The following UBE2Q2 variants were observed in gnomAD, a reference collection of about 807,000 sequenced individuals.
UBE2Q2 encodes ubiquitin-conjugating enzyme E2 Q2.
A neutral mutation model predicts 59.9 loss-of-function variants in UBE2Q2; 54 were observed. The ratio of observed to expected loss-of-function variants is 0.90; its 90% CI spans 0.72 to 1.13. The LOEUF is 1.13. Among genes scored for constraint, UBE2Q2 ranks in the 50% most tolerant of loss-of-function variants. The pLI is 0.00. For missense variants in UBE2Q2, 433 were observed against 441.9 expected, an observed-to-expected ratio of 0.98 and a Z score of 0.18; for synonymous variants, 165 against 155.2, an observed-to-expected ratio of 1.06 and a Z score of -0.47.
At chr15:75,846,089 G>A (rs574434058) in intron 1 of UBE2Q2, among the ~76,000 whole-genome samples, 1 of 152,322 alleles carries the variant, frequency 6.6e-6, no homozygotes, top group East Asian at 1.9e-4. Context: ...AAGTTGAACA[G>A]TGTAATGTAG....
chr15:75,864,144 T>C (rs1897334126), intron 3 of UBE2Q2, among the ~76,000 whole-genome samples: 1 of 152,228 alleles, frequency 6.6e-6, no homozygotes, highest in South Asian at 2.1e-4. Flanking sequence ...ACTTTATTTT[T>C]GGATTTTTAC....
chr15:75,843,564 C>T lies in UBE2Q2; in HGVS notation c.-103C>T, dbSNP rs1029624379. On this transcript the variant is annotated 5_prime_UTR_variant, in exon 1 of 13. Transcript: ENST00000267938. ...GGAGCCGCGAGAGCGCGGCCCAGGC[C>T]GGCCCCGCGGGGCGGTCGCGGCCGT... is the stretch of plus-strand genomic sequence containing the variant. 1 of 949,252 alleles carries T rather than the reference C, an allele frequency of 1.1e-6. No individual in the cohort carries two copies. Among genetic ancestry groups the T allele is most frequent in the East Asian group, 4.1e-5 (1 of 24,442 alleles). 58.8% of individuals were successfully genotyped at this position (949,252 alleles called of 1,614,324 possible).
intron 11 of UBE2Q2, among the ~76,000 whole-genome samples, chr15:75,892,512 C>T (rs886083595): frequency 4.0e-5 from 6 of 151,826 alleles, no homozygotes; most frequent in Non-Finnish European, 7.4e-5. Context: ...GCAAGACCAC[C>T]AGGAATGATG....
chr15:75,867,652 G>A (rs953373740), intron 3 of UBE2Q2, among the ~76,000 whole-genome samples: 5 of 152,272 alleles, frequency 3.3e-5, no homozygotes, highest in Admixed American at 2.0e-4. Context: ...GGTGATGGGG[G>A]CTCAGTTTTC....
At chr15:75,853,433 G>T (rs1896736935) in intron 1 of UBE2Q2, among the ~76,000 whole-genome samples, 1 of 147,112 alleles carries the variant, frequency 6.8e-6, no homozygotes, top group Non-Finnish European at 1.5e-5. Context: ...ATTGTGCCAT[G>T]CACTCCGCCT....
chr15:75,896,526 G>A (rs770956797), intron 11 of UBE2Q2, among the ~76,000 whole-genome samples: 1 of 152,110 alleles, frequency 6.6e-6, no homozygotes, highest in Non-Finnish European at 1.5e-5. Context: ...ACAATTATGG[G>A]CATTCTTTAG....
chr15:75,860,802 A>C (rs1029568642), intron 3 of UBE2Q2, among the ~76,000 whole-genome samples: 1 of 152,112 alleles, frequency 6.6e-6, no homozygotes, highest in African/African-American at 2.4e-5. Flanking sequence ...GGTTTTTCTC[A>C]TCTGCTCTCC....
At chr15:75,898,995 C>A (rs912130327) in intron 12 of UBE2Q2, among the ~76,000 whole-genome samples, 2 of 151,372 alleles carry the variant, frequency 1.3e-5, no homozygotes, top group African/African-American at 4.9e-5. Flanking sequence ...TGCAGTGGCT[C>A]ACACCTGTAA....
At chr15:75,847,406 A>G (rs1896409837) in intron 1 of UBE2Q2, among the ~76,000 whole-genome samples, 2 of 152,188 alleles carry the variant, frequency 1.3e-5, no homozygotes, top group South Asian at 2.1e-4. Flanking sequence ...AACAGAGTAG[A>G]TGTTTTACTC....
At chr15:75,888,017 C>T (rs1293323462) in intron 9 of UBE2Q2, among the ~76,000 whole-genome samples, 1 of 152,156 alleles carries the variant, frequency 6.6e-6, no homozygotes, top group Non-Finnish European at 1.5e-5. Context: ...TATTTCATAT[C>T]CCATATCTTC....
chr15:75,856,293 A>ATATATATATATATATATATATATATAT (rs1896913041), intron 2 of UBE2Q2, among the ~76,000 whole-genome samples: 1 of 139,130 alleles, frequency 7.2e-6, no homozygotes, highest in African/African-American at 2.8e-5. Flanking sequence ...ATATATATAT[A>ATATATATATATATATATATATATATAT]ATGAATTTCA....
intron 8 of UBE2Q2, among the ~76,000 whole-genome samples, chr15:75,879,920 C>G (rs1034534083): frequency 2.0e-5 from 3 of 152,096 alleles, no homozygotes; most frequent in African/African-American, 7.2e-5. Flanking sequence ...AGGAGTCCAT[C>G]TAGGTGGGAG....
intron 11 of UBE2Q2, among the ~76,000 whole-genome samples, chr15:75,892,605 ATC>A (rs1302141731): frequency 3.9e-5 from 6 of 152,234 alleles, no homozygotes; most frequent in African/African-American, 1.4e-4. Flanking sequence ...CACGCCTGTA[ATC>A]TCAACACTTT....
At chr15:75,844,877 T>C (rs73449224) in intron 1 of UBE2Q2, among the ~76,000 whole-genome samples, 4,869 of 152,214 alleles carry the variant, frequency 0.032, 279 homozygotes, top group African/African-American at 0.11. Context: ...CTCAAGTGCC[T>C]GCAGGGTGGC....
intron 9 of UBE2Q2, among the ~76,000 whole-genome samples, 182 bp downstream of exon 9, chr15:75,883,606 AT>A (rs112928171): frequency 6.6e-4 from 95 of 143,724 alleles, no homozygotes; most frequent in East Asian, 2.0e-3. Flanking sequence ...CCTGGCCTGC[AT>A]TTTTTTTTTT....
rs146312306 is a variant in UBE2Q2, at chr15:75,844,502, A to T, written c.180+656A>T. 4,899 of 1,550,770 alleles carry T rather than the reference A, an allele frequency of 3.2e-3. 11 individuals carry two copies. Among genetic ancestry groups the T allele is most frequent in the South Asian group, 3.8e-3 (317 of 84,040 alleles). On this transcript the variant is annotated intron_variant, in intron 1 of 12. Transcript: ENST00000267938. Reference sequence around the variant, plus strand: ...TTGCGGCAGGTGGTGTTGAGTGTGTATTCGTGTGGCCCCTCCCTTGTGTGT... The same window carrying T: ...TTGCGGCAGGTGGTGTTGAGTGTGTTTTCGTGTGGCCCCTCCCTTGTGTGT...
At chr15:75,856,244 TAC>T (rs1204309176) in intron 2 of UBE2Q2, among the ~76,000 whole-genome samples, 1 of 119,168 alleles carries the variant, frequency 8.4e-6, no homozygotes, top group African/African-American at 3.9e-5. Context: ...TATGTGTATA[TAC>T]GTGTGTGTGT....
chr15:75,889,601 GCAGAGCCCCGGAGGA>G (rs1431430162), intron 9 of UBE2Q2, among the ~76,000 whole-genome samples: 13 of 152,254 alleles, frequency 8.5e-5, no homozygotes, highest in African/African-American at 3.1e-4. Flanking sequence ...AAAGGCATGG[GCAGAGCCCCGGAGGA>G]CAGAACAATT....
intron 8 of UBE2Q2, among the ~76,000 whole-genome samples, chr15:75,881,466 T>G (rs1176895875): frequency 1.3e-5 from 2 of 152,134 alleles, no homozygotes; most frequent in Non-Finnish European, 2.9e-5. Context: ...GGACCATGGC[T>G]CCTGATACCA....
Sources: allele counts gnomAD v4.1 joint callset (sites outside exome capture counted in the v4.1 genomes callset), GRCh38; gene constraint gnomAD v4.1.1; transcripts MANE v1.5; gene names NCBI Gene and HGNC (gene_info 2026-07-23, HGNC 2026-07-21).